Variants in EYS observed in about 807,000 individuals in gnomAD.
EYS encodes the protein EGF-like photoreceptor maintenance factor.
A neutral mutation model predicts 282.1 loss-of-function variants in EYS; 250 were observed. That is an observed-to-expected ratio of 0.89 (90% confidence interval 0.80 to 0.98). The LOEUF (loss-of-function observed/expected upper bound fraction) is 0.98. Ranked by LOEUF, EYS falls within the 50% of genes least tolerant of loss-of-function variation. The probability of loss-of-function intolerance (pLI) is 0.00; values close to 1 mark genes in which losing one functional copy is unlikely to be tolerated. For missense variants in EYS, 4,016 were observed against 3,709.0 expected, an observed-to-expected ratio of 1.08 and a Z score of -2.15; for synonymous variants, 1,355 against 1,282.9, an observed-to-expected ratio of 1.06 and a Z score of -1.20.
chr6:65,071,198 A>G (rs768054392), intron 12 of EYS, among the ~76,000 whole-genome samples: 8 of 151,880 alleles, frequency 5.3e-5, no homozygotes, highest in Non-Finnish European at 8.8e-5. Flanking sequence ...AAAATTGCAG[A>G]AAAATGTAGA....
chr6:64,289,042 T>A (rs1440092861), intron 30 of EYS, among the ~76,000 whole-genome samples: 1 of 152,096 alleles, frequency 6.6e-6, no homozygotes, highest in African/African-American at 2.4e-5. Context: ...GTGCTTCATC[T>A]AAAATGCATA....
intron 26 of EYS, among the ~76,000 whole-genome samples, chr6:64,514,422 C>T (rs77000493): frequency 0.016 from 2,474 of 151,910 alleles, 23 homozygotes; most frequent in South Asian, 0.035. Context: ...AGAACAAACA[C>T]TTGCCTTTTA....
chr6:64,196,663 A>G (rs1765297877), intron 31 of EYS, among the ~76,000 whole-genome samples: 2 of 149,546 alleles, frequency 1.3e-5, no homozygotes, highest in South Asian at 4.3e-4. Context: ...CAAACACCGC[A>G]TGTTCTCACT....
chr6:65,120,148 T>C, intron 12 of EYS, among the ~76,000 whole-genome samples: 1 of 78,390 alleles, frequency 1.3e-5, no homozygotes, highest in Non-Finnish European at 2.5e-5. Context: ...CGAGACTCCG[T>C]CTCAAAAAAA....
chr6:64,824,122 C>G (rs1018828040), intron 19 of EYS, among the ~76,000 whole-genome samples: 6 of 151,816 alleles, frequency 4.0e-5, no homozygotes, highest in Non-Finnish European at 8.8e-5. Context: ...GTTAATGAAG[C>G]ATACTCTACC....
intron 35 of EYS, among the ~76,000 whole-genome samples, chr6:63,866,200 G>A (rs370681335): frequency 8.0e-5 from 12 of 149,666 alleles, no homozygotes; most frequent in Admixed American, 3.4e-4. Context: ...AAGCACAGCC[G>A]GACCACCTAG....
intron 40 of EYS, among the ~76,000 whole-genome samples, chr6:63,767,126 T>G (rs2149658721): frequency 6.6e-6 from 1 of 152,094 alleles, no homozygotes; most frequent in African/African-American, 2.4e-5. Flanking sequence ...CCCAACATCA[T>G]CCTGAACGGG....
intron 35 of EYS, among the ~76,000 whole-genome samples, chr6:63,918,566 C>T (rs1026333080): frequency 1.3e-5 from 2 of 152,148 alleles, no homozygotes; most frequent in African/African-American, 2.4e-5. Flanking sequence ...CCTGTGAGTC[C>T]AGAAAGCAAC....
At chr6:64,412,545 T>C (rs1773937200) in intron 28 of EYS, 1 of 152,098 alleles carries the variant, frequency 6.6e-6, no homozygotes, top group Non-Finnish European at 1.5e-5. Context: ...GCTGAGGATG[T>C]TAATAATGGC....
chr6:64,955,837 T>C (rs966632759), intron 14 of EYS, among the ~76,000 whole-genome samples: 5 of 152,148 alleles, frequency 3.3e-5, no homozygotes, highest in Non-Finnish European at 7.3e-5. Flanking sequence ...TCCCCAGCAC[T>C]CAGAACCATT....
intron 31 of EYS, among the ~76,000 whole-genome samples, chr6:64,110,626 A>G (rs76751977): frequency 0.042 from 6,423 of 152,102 alleles, 403 homozygotes; most frequent in African/African-American, 0.14. Context: ...AGCAATGGGT[A>G]TGGGAGAGAT....
At chr6:64,778,638 C>A (rs371617258) in intron 22 of EYS, among the ~76,000 whole-genome samples, 2 of 152,194 alleles carry the variant, frequency 1.3e-5, no homozygotes, top group East Asian at 3.9e-4. Flanking sequence ...ATTTTCGAAA[C>A]ACATTAACTG....
At chr6:65,218,271 C>A (rs1351599150) in intron 12 of EYS, among the ~76,000 whole-genome samples, 2 of 152,008 alleles carry the variant, frequency 1.3e-5, no homozygotes, top group Non-Finnish European at 2.9e-5. Context: ...CTTAAACATA[C>A]CCTGATAGGG....
At chr6:65,483,831 T>C (rs1019068936) in intron 5 of EYS, among the ~76,000 whole-genome samples, 4 of 152,064 alleles carry the variant, frequency 2.6e-5, no homozygotes, top group Admixed American at 2.6e-4. Flanking sequence ...GAGGAGCAAG[T>C]CACATCTTAC....
intron 26 of EYS, among the ~76,000 whole-genome samples, chr6:64,509,590 C>A (rs1777319272): frequency 6.6e-6 from 1 of 152,070 alleles, no homozygotes; most frequent in Admixed American, 6.6e-5. Flanking sequence ...TAATCAATTT[C>A]AATTCTACGG....
At chr6:65,548,354 C>T (rs918645783) in intron 2 of EYS, among the ~76,000 whole-genome samples, 5 of 152,242 alleles carry the variant, frequency 3.3e-5, no homozygotes, top group African/African-American at 1.2e-4. Flanking sequence ...TCAATTATGG[C>T]AACTTCTTTT....
chr6:64,026,515 C>G (rs975992569), intron 33 of EYS, among the ~76,000 whole-genome samples: 3 of 152,160 alleles, frequency 2.0e-5, no homozygotes, highest in Admixed American at 1.3e-4. Flanking sequence ...AAATGGCCAC[C>G]TGAGGGAAGC....
At position 64,989,959 on chromosome 6, in the gene EYS, A is replaced by G. The variant is rs138747548; in HGVS notation, c.2259+7623T>C. ...TGGTTGGCAGAAGACTAAAGAACAG[A>G]GATACACATATTCTCTATTTGTGTA... On this transcript the variant is annotated intron_variant, in intron 14 of 42. Coordinates refer to ENST00000503581, the MANE Select transcript of EYS (RefSeq NM_001142800.2). 2.4e-3 allele frequency among the ~76,000 whole-genome samples: 368 copies of G among 151,200 alleles called. 2 individuals are homozygous for G. The highest frequency in any genetic ancestry group is 8.4e-3 in the African/African-American group (347 of 41,392).
chr6:64,800,534 A>G (rs1030160375), intron 22 of EYS, among the ~76,000 whole-genome samples: 3 of 150,724 alleles, frequency 2.0e-5, no homozygotes, highest in African/African-American at 7.3e-5. Flanking sequence ...GTATAACCAG[A>G]GAGTTTAATC....
Sources: gnomAD v4.1 joint callset for allele counts (sites outside exome capture counted in the v4.1 genomes callset) on GRCh38, gnomAD v4.1.1 for gene constraint, MANE v1.5 for transcripts, NCBI Gene and HGNC (gene_info 2026-07-23, HGNC 2026-07-21) for gene names.